The following MYL6 variants were observed in gnomAD, a reference collection of about 807,000 sequenced individuals.
MYL6 encodes the protein myosin light polypeptide 6.
MYL6 carries 20 observed loss-of-function variants against 20.3 expected under a neutral mutation model. The ratio of observed to expected loss-of-function variants is 0.98; its 90% CI spans 0.69 to 1.43. The LOEUF (loss-of-function observed/expected upper bound fraction) is 1.43. Ranked by LOEUF, MYL6 falls within the 40% of genes most tolerant of loss-of-function variation. The pLI is 0.00. For synonymous variants in MYL6, 77 were observed against 72.4 expected, an observed-to-expected ratio of 1.06 and a Z score of -0.32; for missense variants, 164 against 191.0, an observed-to-expected ratio of 0.86 and a Z score of 0.83.
At chr12:56,159,415 C>A in intron 2 of MYL6, 172 bp from the exon 3 acceptor site, 1 of 854,086 alleles carries the variant, frequency 1.2e-6, no homozygotes, top group Non-Finnish European at 1.8e-6. Context: ...CTATATAGAA[C>A]ACTTGAGTTG....
At chr12:56,159,090 G>T in intron 2 of MYL6, 1 of 471,738 alleles carries the variant, frequency 2.1e-6, no homozygotes, top group Non-Finnish European at 3.4e-6. Flanking sequence ...CCAGCTTGCA[G>T]TTGTGAAGAT....
rs182739200 is a variant in MYL6 at position 56,160,607 on chromosome 12, T to C, written c.428-19T>C. 6.6e-5 allele frequency: 106 copies of C among 1,614,204 alleles called. No homozygotes were observed. The African/African-American group carries it at 1.0e-3, about 15-fold the overall frequency. Reference sequence around the variant, plus strand: ...GTCTTTGTCTTGTCTTCACCATGAATGTCTCTTCCTTCCTGCAGCGTTTGT... The same window carrying C: ...GTCTTTGTCTTGTCTTCACCATGAACGTCTCTTCCTTCCTGCAGCGTTTGT... On this transcript the variant is annotated intron_variant, in intron 5 of 6. Transcript: ENST00000550697.
In MYL6 at chr12:56,160,330, G is replaced by C; in HGVS notation, c.427+10G>C. ...TGTATCAACTATGAAGGTAAGAGGT[G>C]AACTGCGCTTTCTCAGAGAAAGCAG... is the stretch of plus-strand genomic sequence containing the variant. On this transcript the variant is annotated intron_variant, in intron 5 of 6. Coordinates refer to ENST00000550697, the MANE Select transcript of MYL6 (RefSeq NM_021019.5). The C allele has an allele frequency of 1.2e-6, 2 of 1,614,146 alleles. No individual in the cohort carries two copies. Among genetic ancestry groups the C allele is most frequent in the Non-Finnish European group, 1.7e-6 (2 of 1,180,018 alleles).
rs761502579 is a variant in MYL6 at position 56,160,223 on chromosome 12, T to C, written c.350-20T>C. The C allele has an allele frequency of 1.2e-6, 2 of 1,614,066 alleles. No individual in the cohort carries two copies. The highest frequency in any genetic ancestry group is 8.5e-7 in the Non-Finnish European group (1 of 1,179,978). On this transcript the variant is annotated intron_variant, in intron 4 of 6. Coordinates refer to ENST00000550697, the MANE Select transcript of MYL6 (RefSeq NM_021019.5). Reference sequence around the variant, plus strand: ...CTCACTTGTCACCCAATTCCAAAAATGCTTTCTTTCCCCCTGCAGGTGAGA... The same window carrying C: ...CTCACTTGTCACCCAATTCCAAAAACGCTTTCTTTCCCCCTGCAGGTGAGA...
intron 2 of MYL6, chr12:56,158,939 G>T: frequency 7.1e-7 from 1 of 1,407,588 alleles, no homozygotes. Context: ...TAGGTGGTGT[G>T]GGTATGTGAA....
At chr12:56,158,802 C>G in intron 2 of MYL6, 91 bp downstream of exon 2, 1 of 1,583,374 alleles carries the variant, frequency 6.3e-7, no homozygotes, top group Non-Finnish European at 8.6e-7. Context: ...TCTGTCATCT[C>G]TTTAGCACCC....
At chr12:56,159,784 A>C in intron 3 of MYL6, 54 bp downstream of exon 3, 1 of 1,575,448 alleles carries the variant, frequency 6.3e-7, no homozygotes, top group South Asian at 1.2e-5. Flanking sequence ...ACAGTTCTTC[A>C]GCTAAGAGCT....
In MYL6 at chr12:56,160,167, G is replaced by C; in HGVS notation, c.349+19G>C. On this transcript the variant is annotated intron_variant, in intron 4 of 6. Transcript: ENST00000550697. Reference sequence around the variant, plus strand: ...ACACTGGGTAAGGTTCTGTGTCCTTGTCCTTGAGCTGAGATGGCACCCTGA... The same window carrying C: ...ACACTGGGTAAGGTTCTGTGTCCTTCTCCTTGAGCTGAGATGGCACCCTGA... 6.2e-7 allele frequency: 1 copy of C among 1,613,808 alleles called. No individual in the cohort carries two copies. Among genetic ancestry groups the C allele is most frequent in the Non-Finnish European group, 8.5e-7 (1 of 1,179,782 alleles).
intron 1 of MYL6, 111 bp from the exon 2 acceptor site, chr12:56,158,573 C>T: frequency 6.2e-7 from 1 of 1,613,308 alleles, no homozygotes; most frequent in Non-Finnish European, 8.5e-7. Flanking sequence ...AGTCTGCAGC[C>T]TGAAACAGGA....
chr12:56,159,357 G>T (rs1028935244), intron 2 of MYL6: 1 of 522,922 alleles, frequency 1.9e-6, no homozygotes, highest in Non-Finnish European at 3.3e-6. Context: ...GCAGGCAGAG[G>T]GGTTGTGTAA....
intron 5 of MYL6, 112 bp from the exon 6 acceptor site, chr12:56,160,514 G>A (rs1871699017): frequency 1.2e-5 from 17 of 1,423,300 alleles, no homozygotes; most frequent in Non-Finnish European, 1.6e-5. Context: ...TAGTATTGTA[G>A]AGGGTGGGAA....
At chr12:56,160,217 C>T (rs1321554855) in intron 4 of MYL6, 26 bp from the exon 5 acceptor site, 2 of 1,613,920 alleles carry the variant, frequency 1.2e-6, no homozygotes, top group African/African-American at 2.7e-5. Context: ...CACCCAATTC[C>T]AAAAATGCTT....
At chr12:56,161,335 G>A (rs376832743) in intron 6 of MYL6, 52 bp from the exon 7 acceptor site, 53 of 1,610,386 alleles carry the variant, frequency 3.3e-5, no homozygotes, top group African/African-American at 8.0e-5. Flanking sequence ...GGCCCTTGGC[G>A]TACCCCTCCA....
At chr12:56,159,232 C>A in intron 2 of MYL6, 1 of 300,872 alleles carries the variant, frequency 3.3e-6, no homozygotes, top group Non-Finnish European at 6.2e-6. Flanking sequence ...GTTGGGATGA[C>A]CCTAGTCCCA....
At chr12:56,158,661 C>A (rs765452796) in intron 1 of MYL6, 23 bp from the exon 2 acceptor site, 2 of 1,614,078 alleles carry the variant, frequency 1.2e-6, no homozygotes, top group Non-Finnish European at 8.5e-7. Context: ...CAGATGCTGA[C>A]CACTTCCCTC....
At chr12:56,160,901 T>G in intron 6 of MYL6, 1 of 595,290 alleles carries the variant, frequency 1.7e-6, no homozygotes. Context: ...TATGCGGCCC[T>G]GGGTGCTGGT....
intron 1 of MYL6, 110 bp downstream of exon 1, chr12:56,158,514 C>A: frequency 6.2e-7 from 1 of 1,601,258 alleles, no homozygotes. Context: ...TCTGAGGACC[C>A]GAAAGGTTGG....
At chr12:56,160,594 T>A in intron 5 of MYL6, 32 bp from the exon 6 acceptor site, 1 of 1,613,846 alleles carries the variant, frequency 6.2e-7, no homozygotes, top group Non-Finnish European at 8.5e-7. Flanking sequence ...CTTTGTCTTG[T>A]CTTCACCATG....
chr12:56,158,782 CTAATCT>C (rs879763802), intron 2 of MYL6, 71 bp downstream of exon 2: 16 of 1,602,786 alleles, frequency 1.0e-5, no homozygotes, highest in Middle Eastern at 1.7e-4. Flanking sequence ...CACCTATCCT[CTAATCT>C]TAATCTGTCA....
Sources: allele counts gnomAD v4.1 joint callset, GRCh38; gene constraint gnomAD v4.1.1; transcripts MANE v1.5; gene names NCBI Gene and HGNC (gene_info 2026-07-23, HGNC 2026-07-21).